The following CFAP299 variants were observed in gnomAD, a reference collection of about 807,000 sequenced individuals.
CFAP299 encodes the protein cilia and flagella associated protein 299.
A neutral mutation model predicts 27.0 loss-of-function variants in CFAP299; 21 were observed. The ratio of observed to expected loss-of-function variants is 0.78; its 90% CI spans 0.55 to 1.12. The LOEUF (loss-of-function observed/expected upper bound fraction) is 1.12. CFAP299 is among the 50% of genes most tolerant of loss of function. The pLI is 0.00. For synonymous variants in CFAP299, 104 were observed against 98.1 expected (o/e 1.06, Z -0.36); for missense variants, 310 against 276.6 (o/e 1.12, Z -0.86).
intron 2 of CFAP299, among the ~76,000 whole-genome samples, chr4:80,488,880 GT>G (rs1186926055): frequency 6.6e-6 from 1 of 152,158 alleles, no homozygotes; most frequent in African/African-American, 2.4e-5. Flanking sequence ...CAAAAAAAAC[GT>G]TTGTGTCTCC....
At chr4:80,497,435 A>G (rs1237521223) in intron 2 of CFAP299, among the ~76,000 whole-genome samples, 3 of 152,226 alleles carry the variant, frequency 2.0e-5, no homozygotes, top group African/African-American at 7.2e-5. Context: ...TAGGTTACAA[A>G]ATAAAGTAAG....
At chr4:80,555,212 G>T (rs1034269184) in intron 2 of CFAP299, among the ~76,000 whole-genome samples, 1 of 152,074 alleles carries the variant, frequency 6.6e-6, no homozygotes, top group Non-Finnish European at 1.5e-5. Flanking sequence ...GTGAAGGGGT[G>T]TTGAATTTTA....
intron 3 of CFAP299, among the ~76,000 whole-genome samples, chr4:80,719,030 C>A (rs1055866529): frequency 6.6e-6 from 1 of 152,036 alleles, no homozygotes; most frequent in Non-Finnish European, 1.5e-5. Flanking sequence ...TCTTAGTAAA[C>A]TAATGCAGGA....
chr4:80,823,676 T>C (rs1729827631), intron 3 of CFAP299, among the ~76,000 whole-genome samples: 1 of 152,200 alleles, frequency 6.6e-6, no homozygotes, highest in Admixed American at 6.6e-5. Context: ...TTATGCTGAC[T>C]GAATATCTAC....
chr4:80,787,390 C>T (rs560034180), intron 3 of CFAP299, among the ~76,000 whole-genome samples: 15 of 151,766 alleles, frequency 9.9e-5, no homozygotes, highest in Admixed American at 4.6e-4. Flanking sequence ...CCTTCTACCC[C>T]TTTTCTTCCC....
chr4:80,479,754 C>T (rs1347224462), intron 2 of CFAP299, among the ~76,000 whole-genome samples: 2 of 151,824 alleles, frequency 1.3e-5, no homozygotes, highest in Admixed American at 1.3e-4. Flanking sequence ...TTATGCAGAG[C>T]TACATTACTT....
intron 2 of CFAP299, among the ~76,000 whole-genome samples, chr4:80,490,369 T>C (rs1251478063): frequency 6.6e-6 from 1 of 152,228 alleles, no homozygotes; most frequent in Non-Finnish European, 1.5e-5. Flanking sequence ...ATTCTTTAAA[T>C]AATACCTGCC....
At chr4:80,920,678 A>T (rs939617253) in intron 4 of CFAP299, among the ~76,000 whole-genome samples, 5 of 152,094 alleles carry the variant, frequency 3.3e-5, no homozygotes, top group African/African-American at 1.2e-4. Flanking sequence ...CTTACATGTA[A>T]TGTCCAGAAT....
the CFAP299 span, among the ~76,000 whole-genome samples, chr4:80,323,921 A>C: frequency 6.6e-6 from 1 of 152,222 alleles, no homozygotes; most frequent in Non-Finnish European, 1.5e-5. Context: ...CCATTGTAAT[A>C]ATGCTTCAAG....
chr4:80,466,643 G>A (rs1729716749), intron 2 of CFAP299, among the ~76,000 whole-genome samples: 1 of 152,056 alleles, frequency 6.6e-6, no homozygotes, highest in South Asian at 2.1e-4. Context: ...TAGTCTCATC[G>A]AAGCCAACTT....
intron 3 of CFAP299, among the ~76,000 whole-genome samples, chr4:80,671,254 C>G (rs1180488603): frequency 2.0e-5 from 3 of 152,128 alleles, no homozygotes; most frequent in Non-Finnish European, 4.4e-5. Flanking sequence ...GGAATCCTTT[C>G]CCCATTTTTT....
chr4:80,377,907 C>T (rs1053478568), intron 2 of CFAP299, among the ~76,000 whole-genome samples: 4 of 152,134 alleles, frequency 2.6e-5, no homozygotes, highest in African/African-American at 4.8e-5. Context: ...ACGCACTTCT[C>T]ACATGGCAGT....
intron 3 of CFAP299, among the ~76,000 whole-genome samples, chr4:80,860,203 C>G (rs376423826): frequency 2.6e-5 from 4 of 152,192 alleles, no homozygotes; most frequent in African/African-American, 9.7e-5. Context: ...TTGATCGCAT[C>G]GGCTCCTGAG....
At chr4:80,506,907 GCGGTC>G (rs2110158663) in intron 2 of CFAP299, among the ~76,000 whole-genome samples, 1 of 152,226 alleles carries the variant, frequency 6.6e-6, no homozygotes, top group South Asian at 2.1e-4. Flanking sequence ...AGCTGATCAT[GCGGTC>G]CATGGTCATT....
chr4:80,405,709 T>C (rs1417144947), intron 2 of CFAP299, among the ~76,000 whole-genome samples: 1 of 152,110 alleles, frequency 6.6e-6, no homozygotes, highest in Non-Finnish European at 1.5e-5. Context: ...TCTGCAAATA[T>C]CTAAATTAGT....
At chr4:80,339,758 T>C (rs1453620538) in intron 1 of CFAP299, among the ~76,000 whole-genome samples, 2 of 152,232 alleles carry the variant, frequency 1.3e-5, no homozygotes, top group Non-Finnish European at 2.9e-5. Flanking sequence ...TTGGCAAAAT[T>C]ATTACAATAT....
At chr4:80,741,406 T>A (rs1475206376) in intron 3 of CFAP299, among the ~76,000 whole-genome samples, 1 of 152,056 alleles carries the variant, frequency 6.6e-6, no homozygotes. Flanking sequence ...GGGTGATGAA[T>A]GCTGCAAGGA....
intron 2 of CFAP299, among the ~76,000 whole-genome samples, chr4:80,468,703 C>T (rs1016611250): frequency 1.4e-4 from 21 of 151,702 alleles, no homozygotes; most frequent in African/African-American, 3.6e-4. Flanking sequence ...GGCATGCTGG[C>T]GCCTGCCTGT....
chr4:80,514,654 A>G (rs1732494142), intron 2 of CFAP299, among the ~76,000 whole-genome samples: 1 of 152,034 alleles, frequency 6.6e-6, no homozygotes, highest in Non-Finnish European at 1.5e-5. Flanking sequence ...TTACTAACAC[A>G]TCTTTGTTTA....
Sources: gnomAD v4.1 joint callset for allele counts (sites outside exome capture counted in the v4.1 genomes callset) on GRCh38, gnomAD v4.1.1 for gene constraint, MANE v1.5 for transcripts, NCBI Gene and HGNC (gene_info 2026-07-23, HGNC 2026-07-21) for gene names.